The following SV2C variants were observed in gnomAD, a reference collection of about 807,000 sequenced individuals.
SV2C encodes the protein solute carrier family 22 member B3.
Under a neutral mutation model 79.7 loss-of-function variants are expected in SV2C, and 49 were observed. The ratio of observed to expected loss-of-function variants is 0.61; its 90% CI spans 0.49 to 0.78. SV2C has a LOEUF of 0.78. SV2C is among the 30% of genes least tolerant of loss of function. The pLI is 0.00. For synonymous variants in SV2C, 334 were observed against 333.2 expected, an observed-to-expected ratio of 1.00 and a Z score of -0.03; for missense variants, 833 against 912.9, an observed-to-expected ratio of 0.91 and a Z score of 1.13.
chr5:75,979,632 G>A, the SV2C span, among the ~76,000 whole-genome samples: 1 of 151,762 alleles, frequency 6.6e-6, no homozygotes, highest in Non-Finnish European at 1.5e-5. Flanking sequence ...TGACTTTTGG[G>A]TAAATAATGA....
At position 76,182,918 on chromosome 5, in the gene SV2C, A is replaced by AGTGTGTGTGTGT. The variant is rs577550259; in HGVS notation, c.581-11994_581-11983dup. Among the ~76,000 whole-genome samples the AGTGTGTGTGTGT allele has an allele frequency of 1.0e-3, 147 of 141,238 alleles. 1 individual carries two copies. The highest frequency in any genetic ancestry group is 2.2e-3 in the Admixed American group (31 of 13,942). The allele number at this position is 141,238 out of a possible 152,430, so 92.7% of individuals were successfully genotyped here. ...TGGTGAAACTAGGATTGAGAGAGAG[A>AGTGTGTGTGTGT]GTGTGTGTGTGTGTGTGTATGTGAG... On this transcript the variant is annotated intron_variant, in intron 2 of 12. Coordinates refer to ENST00000502798, the MANE Select transcript of SV2C (RefSeq NM_014979.4).
intron 8 of SV2C, among the ~76,000 whole-genome samples, chr5:76,292,657 A>C (rs1471493621): frequency 1.3e-5 from 2 of 152,210 alleles, no homozygotes; most frequent in African/African-American, 2.4e-5. Context: ...TTTCTAAAAA[A>C]ATAATAATAA....
At chr5:75,861,972 A>C in the SV2C span, among the ~76,000 whole-genome samples, 1 of 152,202 alleles carries the variant, frequency 6.6e-6, no homozygotes. Flanking sequence ...CCTAAAATGA[A>C]AGTTGAAGTT....
intron 2 of SV2C, among the ~76,000 whole-genome samples, chr5:76,151,813 GCCA>G (rs71802370): frequency 0.41 from 62,420 of 151,720 alleles, 13,388 homozygotes; most frequent in Middle Eastern, 0.51. Flanking sequence ...GGCAAGTGGT[GCCA>G]CCCAGTGAAT....
At chr5:76,258,329 A>G (rs1467291132) in intron 4 of SV2C, among the ~76,000 whole-genome samples, 1 of 152,068 alleles carries the variant, frequency 6.6e-6, no homozygotes, top group Non-Finnish European at 1.5e-5. Flanking sequence ...GCAGGGGGCA[A>G]CTGCCTCAGG....
chr5:76,245,325 G>T (rs1043135242), intron 4 of SV2C, among the ~76,000 whole-genome samples: 13 of 152,168 alleles, frequency 8.5e-5, no homozygotes, highest in African/African-American at 3.1e-4. Flanking sequence ...TGCTAGAATG[G>T]AGAAACAGGC....
At chr5:76,237,537 CT>C (rs1456960658) in intron 4 of SV2C, among the ~76,000 whole-genome samples, 1 of 152,154 alleles carries the variant, frequency 6.6e-6, no homozygotes, top group Admixed American at 6.5e-5. Flanking sequence ...TCTGGAACCC[CT>C]GGACTTTCTG....
chr5:76,121,892 T>C (rs1337201525), intron 1 of SV2C, among the ~76,000 whole-genome samples: 3 of 152,108 alleles, frequency 2.0e-5, no homozygotes, highest in African/African-American at 7.3e-5. Flanking sequence ...GTAGTTTTTT[T>C]CCAATTCTGT....
chr5:76,136,412 G>A (rs1233440444), intron 2 of SV2C, among the ~76,000 whole-genome samples: 2 of 152,138 alleles, frequency 1.3e-5, no homozygotes, highest in Non-Finnish European at 2.9e-5. Flanking sequence ...CCAGGTACCT[G>A]GCAAAGTACA....
At chr5:75,955,300 T>C in the SV2C span, among the ~76,000 whole-genome samples, 4 of 149,334 alleles carry the variant, frequency 2.7e-5, no homozygotes, top group South Asian at 4.2e-4. Flanking sequence ...GGGGAAAGGA[T>C]TTCCTATTTA....
At chr5:76,237,560 CT>C (rs1235242458) in intron 4 of SV2C, among the ~76,000 whole-genome samples, 1 of 152,194 alleles carries the variant, frequency 6.6e-6, no homozygotes, top group Non-Finnish European at 1.5e-5. Context: ...CTTATACCTT[CT>C]TTTTGGTGAA....
intron 1 of SV2C, among the ~76,000 whole-genome samples, chr5:76,109,297 G>A (rs1283324095): frequency 6.6e-6 from 1 of 152,140 alleles, no homozygotes; most frequent in Non-Finnish European, 1.5e-5. Flanking sequence ...GAGATTACAA[G>A]AATAGTGCCA....
At chr5:76,068,588 A>T in the SV2C span, among the ~76,000 whole-genome samples, 1 of 152,220 alleles carries the variant, frequency 6.6e-6, no homozygotes. Context: ...AAAGTTTTCA[A>T]TGTCTTTGTA....
At chr5:76,242,246 A>C in intron 4 of SV2C, 2 of 1,065,922 alleles carry the variant, frequency 1.9e-6, no homozygotes, top group South Asian at 2.5e-5. Flanking sequence ...TTCGTCCTTC[A>C]CCTTGGCTTT....
chr5:76,314,265 A>C (rs1748550727), intron 12 of SV2C, among the ~76,000 whole-genome samples: 1 of 152,176 alleles, frequency 6.6e-6, no homozygotes, highest in Admixed American at 6.5e-5. Flanking sequence ...CAGAGTGAGC[A>C]TTTGGGCCAG....
At chr5:76,323,779 A>C (rs1237890587) in intron 12 of SV2C, among the ~76,000 whole-genome samples, 1 of 152,206 alleles carries the variant, frequency 6.6e-6, no homozygotes, top group Non-Finnish European at 1.5e-5. Context: ...CAGCAAACTA[A>C]CACAGGAACA....
the SV2C span, among the ~76,000 whole-genome samples, chr5:75,859,067 T>C: frequency 2.0e-5 from 3 of 152,180 alleles, no homozygotes; most frequent in South Asian, 2.1e-4. Flanking sequence ...TTTTGTATCA[T>C]TATTGTGTTT....
chr5:76,323,607 T>G (rs1374583195), intron 12 of SV2C, among the ~76,000 whole-genome samples: 1 of 152,216 alleles, frequency 6.6e-6, no homozygotes, highest in African/African-American at 2.4e-5. Flanking sequence ...TGCTGCACTA[T>G]TTACAATAGC....
At chr5:76,042,447 T>C in the SV2C span, among the ~76,000 whole-genome samples, 2 of 152,216 alleles carry the variant, frequency 1.3e-5, no homozygotes, top group Admixed American at 6.5e-5. Flanking sequence ...ATCAGAAATG[T>C]TTCATAAATG....
Sources: gnomAD v4.1 joint callset for allele counts (sites outside exome capture counted in the v4.1 genomes callset) on GRCh38, gnomAD v4.1.1 for gene constraint, MANE v1.5 for transcripts, NCBI Gene and HGNC (gene_info 2026-07-23, HGNC 2026-07-21) for gene names.